Variants in JPH3 observed in about 807,000 individuals in gnomAD.
The protein encoded by JPH3 is junctophilin-3.
Under a neutral mutation model 59.6 loss-of-function variants are expected in JPH3, and 11 were observed. The ratio of observed to expected loss-of-function variants is 0.18; its 90% CI spans 0.12 to 0.31. The LOEUF is 0.31. JPH3 is among the 10% of genes least tolerant of loss of function. The pLI is 1.00. For missense variants in JPH3, 1,202 were observed against 1,105.7 expected, an observed-to-expected ratio of 1.09 and a Z score of -1.24; for synonymous variants, 673 against 483.6, an observed-to-expected ratio of 1.39 and a Z score of -5.14.
rs954180568 is a variant in JPH3, at chr16:87,620,968, G to C, written c.382+17440G>C. Among the ~76,000 whole-genome samples, 4 of 152,178 alleles carry C rather than the reference G, an allele frequency of 2.6e-5. No homozygotes were observed. In the South Asian group the frequency reaches 8.3e-4, roughly 31 times the overall value. Reference sequence around the variant, plus strand: ...AGGTCAGGAGTTTGAGACCAGCTTGGCCAACATGGTGGAACCCCATCTCTA... The same window carrying C: ...AGGTCAGGAGTTTGAGACCAGCTTGCCCAACATGGTGGAACCCCATCTCTA... On this transcript the variant is annotated intron_variant, in intron 1 of 4. Transcript: ENST00000284262.
rs2033509182 is a variant in JPH3 at position 87,689,683 on chromosome 16, TGAC to T, written c.1327_1329del (p.Asp443del). On this transcript the variant is annotated inframe_deletion, in exon 4 of 5. Transcript: ENST00000284262. ...AGAGGCCGAAGCGTCAGACCTCCTG[TGAC>T]GACATCGAGGTGCTGTCCACCGGGA... 1.9e-6 allele frequency: 3 copies of T among 1,612,364 alleles called. No individual in the cohort carries two copies. The highest frequency in any genetic ancestry group is 2.2e-5 in the East Asian group (1 of 44,844).
At chr16:87,627,903 G>A (rs1055829451) in intron 1 of JPH3, among the ~76,000 whole-genome samples, 7 of 152,200 alleles carry the variant, frequency 4.6e-5, no homozygotes, top group African/African-American at 1.7e-4. Flanking sequence ...CCCTCGCAGG[G>A]GTTTCCACTA....
intron 1 of JPH3, among the ~76,000 whole-genome samples, chr16:87,641,875 C>A (rs2031965357): frequency 1.3e-5 from 2 of 152,246 alleles, no homozygotes; most frequent in Admixed American, 1.3e-4. Flanking sequence ...CTGGAAGATA[C>A]ATTCTGGAAC....
rs1198835090 is a variant in JPH3, at chr16:87,659,391, A to AG, written c.1160+14356_1160+14357insG. On this transcript the variant is annotated intron_variant, in intron 2 of 4. Coordinates refer to ENST00000284262, the MANE Select transcript of JPH3 (RefSeq NM_020655.4). The stretch of plus-strand genomic sequence containing the variant: ...GACTGTCTCAAAAAAAAAAAAGAAA[A>AG]AAAAAAAGAAAACTACACACACATA... Among the ~76,000 whole-genome samples, 64 of 146,306 alleles carry AG rather than the reference A, an allele frequency of 4.4e-4. 5 individuals carry two copies. The highest frequency in any genetic ancestry group is 1.5e-3 in the African/African-American group (57 of 39,176).
At position 87,697,881 on chromosome 16, in the gene JPH3, A is replaced by G. The variant is rs1298943618; in HGVS notation, c.*1221A>G. ...AAACAAAAGAACAAGGTTTGCCAGGATGTCCGAGTGCCCCCTGGCCCTGGC... is the reference window on the plus strand; with the variant it reads ...AAACAAAAGAACAAGGTTTGCCAGGGTGTCCGAGTGCCCCCTGGCCCTGGC... On this transcript the variant is annotated 3_prime_UTR_variant, in exon 5 of 5. Coordinates refer to ENST00000284262, the MANE Select transcript of JPH3 (RefSeq NM_020655.4). The G allele has an allele frequency of 1.3e-5, 2 of 152,418 alleles. No individual in the cohort carries two copies. The highest frequency in any genetic ancestry group is 4.8e-5 in the African/African-American group (2 of 41,444). The allele number at this position is 152,418 out of a possible 1,614,324, so 9.4% of individuals were successfully genotyped here.
In JPH3 at chr16:87,663,587, C is replaced by G. The variant is rs184946188; in HGVS notation, c.1160+18552C>G. Among the ~76,000 whole-genome samples, 79 of 152,304 alleles carry G rather than the reference C, an allele frequency of 5.2e-4. 1 individual carries two copies. The highest frequency in any genetic ancestry group is 1.9e-4 in the East Asian group (1 of 5,190). ...CACTGGGTGAACACAGCCACTGCCC[C>G]CAGCTGGCCTGATGCACCTGTGTTC... is the stretch of plus-strand genomic sequence containing the variant. On this transcript the variant is annotated intron_variant, in intron 2 of 4. Coordinates refer to ENST00000284262, the MANE Select transcript of JPH3 (RefSeq NM_020655.4).
At chr16:87,616,235 TG>T (rs1234632521) in intron 1 of JPH3, among the ~76,000 whole-genome samples, 3,047 of 128,122 alleles carry the variant, frequency 0.024, 44 homozygotes, top group African/African-American at 0.037. Flanking sequence ...TGTGTGTGTG[TG>T]TATTTTTTTT....
chr16:87,659,497 G>C (rs1265145791), intron 2 of JPH3, among the ~76,000 whole-genome samples: 1 of 152,040 alleles, frequency 6.6e-6, no homozygotes, highest in African/African-American at 2.4e-5. Flanking sequence ...TGAGGTGGGT[G>C]AATCACTTGA....
intron 2 of JPH3, among the ~76,000 whole-genome samples, chr16:87,645,710 G>A (rs1041183846): frequency 6.6e-6 from 1 of 152,154 alleles, no homozygotes; most frequent in Non-Finnish European, 1.5e-5. Context: ...TACCTTTAGG[G>A]GTGGGTGCAG....
chr16:87,688,304 C>G (rs779786036), intron 3 of JPH3, among the ~76,000 whole-genome samples: 2 of 152,236 alleles, frequency 1.3e-5, no homozygotes, highest in African/African-American at 4.8e-5. Context: ...TCGCTCTGCT[C>G]AGCACTGCCT....
chr16:87,673,226 G>GA lies in JPH3; in HGVS notation c.1161-10907dup, dbSNP rs528173787. On this transcript the variant is annotated intron_variant, in intron 2 of 4. Coordinates refer to ENST00000284262, the MANE Select transcript of JPH3 (RefSeq NM_020655.4). The stretch of plus-strand genomic sequence containing the variant: ...ATAAAACACTTCTACAAATCGACAA[G>GA]AAAAAAAAATCAACCGCACTCTTAA... Among the ~76,000 whole-genome samples, 306 of 148,398 alleles carry GA rather than the reference G, an allele frequency of 2.1e-3. 1 individual carries two copies. The highest frequency in any genetic ancestry group is 2.9e-3 in the African/African-American group (117 of 40,246).
chr16:87,650,561 C>T (rs2032296698), intron 2 of JPH3, among the ~76,000 whole-genome samples: 1 of 152,194 alleles, frequency 6.6e-6, no homozygotes, highest in Non-Finnish European at 1.5e-5. Flanking sequence ...AGACAGGCCT[C>T]ATGCACCAGG....
At chr16:87,683,209 C>T (rs1014273642) in intron 2 of JPH3, among the ~76,000 whole-genome samples, 1 of 152,258 alleles carries the variant, frequency 6.6e-6, no homozygotes, top group Non-Finnish European at 1.5e-5. Context: ...CACAGACACA[C>T]ACAGCACAGC....
chr16:87,613,463 G>C (rs146385554), intron 1 of JPH3, among the ~76,000 whole-genome samples: 2 of 152,124 alleles, frequency 1.3e-5, no homozygotes, highest in Admixed American at 1.3e-4. Context: ...TGGGATTACA[G>C]GTGCCCACGA....
At chr16:87,639,843 C>T (rs1295224313) in intron 1 of JPH3, among the ~76,000 whole-genome samples, 3 of 152,244 alleles carry the variant, frequency 2.0e-5, no homozygotes, top group African/African-American at 7.2e-5. Flanking sequence ...GCCCGGCTTT[C>T]CTTCCTTTTT....
At chr16:87,637,391 G>GGAGAGA in intron 1 of JPH3, among the ~76,000 whole-genome samples, 1 of 84,210 alleles carries the variant, frequency 1.2e-5, no homozygotes, top group South Asian at 3.2e-4. Flanking sequence ...ATGTTATGGG[G>GGAGAGA]GAGAGAGAGA....
intron 1 of JPH3, among the ~76,000 whole-genome samples, chr16:87,633,763 A>G (rs1382115375): frequency 6.6e-6 from 1 of 151,892 alleles, no homozygotes; most frequent in Non-Finnish European, 1.5e-5. Flanking sequence ...CACACACTGC[A>G]CTCCAGCCTG....
At chr16:87,660,363 C>T (rs552533301) in intron 2 of JPH3, among the ~76,000 whole-genome samples, 2 of 152,146 alleles carry the variant, frequency 1.3e-5, no homozygotes, top group Admixed American at 6.5e-5. Context: ...GTGAGGTTTC[C>T]TGGGATTGAG....
intron 2 of JPH3, among the ~76,000 whole-genome samples, chr16:87,652,288 C>T (rs879724899): frequency 7.9e-5 from 12 of 152,158 alleles, no homozygotes; most frequent in Admixed American, 3.3e-4. Context: ...TAGAAGTTGC[C>T]GCCTCAGCCT....
Sources: gnomAD v4.1 joint callset for allele counts (sites outside exome capture counted in the v4.1 genomes callset) on GRCh38, gnomAD v4.1.1 for gene constraint, MANE v1.5 for transcripts, NCBI Gene and HGNC (gene_info 2026-07-23, HGNC 2026-07-21) for gene names.